The following GRIK2 variants were observed in gnomAD, a reference collection of about 807,000 sequenced individuals.
The protein encoded by GRIK2 is glutamate ionotropic receptor kainate type subunit 2.
In GRIK2, 32 loss-of-function variants were observed where a neutral mutation model predicts 100.3. That is an observed-to-expected ratio of 0.32 (90% CI 0.24 to 0.43). The LOEUF (loss-of-function observed/expected upper bound fraction) is 0.43. Among genes scored for constraint, GRIK2 ranks in the 20% least tolerant of loss-of-function variants. The probability of loss-of-function intolerance (pLI) is 1.00; values close to 1 mark genes in which losing one functional copy is unlikely to be tolerated. For missense variants in GRIK2, 843 were observed against 1,114.9 expected (o/e 0.76, Z 3.47); for synonymous variants, 417 against 389.4 (o/e 1.07, Z -0.83).
intron 7 of GRIK2, among the ~76,000 whole-genome samples, chr6:101,693,436 GAAA>G (rs556487300): frequency 1.0e-3 from 146 of 141,000 alleles, no homozygotes; most frequent in Non-Finnish European, 1.7e-3. Context: ...ATGTAGGGGA[GAAA>G]AAAAAAAAAC....
At chr6:101,696,439 C>T (rs746201901) in intron 7 of GRIK2, among the ~76,000 whole-genome samples, 21 of 151,482 alleles carry the variant, frequency 1.4e-4, no homozygotes, top group Admixed American at 4.0e-4. Context: ...CCTAATTGAT[C>T]CAAAAAAGTA....
intron 10 of GRIK2, among the ~76,000 whole-genome samples, chr6:101,841,738 A>G (rs1783518774): frequency 6.6e-6 from 1 of 152,206 alleles, no homozygotes; most frequent in Admixed American, 6.5e-5. Context: ...ACAATAAGTT[A>G]GACTCTGACG....
chr6:101,957,410 T>A (rs1792006753), intron 14 of GRIK2, among the ~76,000 whole-genome samples: 1 of 151,764 alleles, frequency 6.6e-6, no homozygotes. Context: ...ACACACATAG[T>A]TTTCAAACAT....
chr6:101,511,818 G>A (rs1774334022), intron 2 of GRIK2, among the ~76,000 whole-genome samples: 1 of 151,822 alleles, frequency 6.6e-6, no homozygotes, highest in African/African-American at 2.4e-5. Context: ...TTGGAAAATG[G>A]TTCAGATTAG....
intron 2 of GRIK2, among the ~76,000 whole-genome samples, chr6:101,578,162 A>G (rs944167562): frequency 1.3e-5 from 2 of 152,284 alleles, no homozygotes; most frequent in African/African-American, 4.8e-5. Context: ...CCAGGGATGC[A>G]CAGGTTTATT....
At chr6:102,064,819 C>G (rs1377212015) in intron 16 of GRIK2, among the ~76,000 whole-genome samples, 1 of 151,076 alleles carries the variant, frequency 6.6e-6, no homozygotes, top group African/African-American at 2.4e-5. Context: ...TATATTTGCT[C>G]TAGTACCATA....
chr6:101,797,420 C>A (rs1780377078), intron 7 of GRIK2, among the ~76,000 whole-genome samples: 1 of 151,592 alleles, frequency 6.6e-6, no homozygotes. Context: ...ATTAGTTCTT[C>A]ACTTTTCCCA....
intron 14 of GRIK2, among the ~76,000 whole-genome samples, chr6:101,984,200 A>G (rs1793882850): frequency 6.6e-6 from 1 of 151,712 alleles, no homozygotes. Flanking sequence ...TGCTTATTTA[A>G]TGGGAAAAGA....
At chr6:101,484,173 A>G (rs575883027) in intron 2 of GRIK2, among the ~76,000 whole-genome samples, 1 of 152,214 alleles carries the variant, frequency 6.6e-6, no homozygotes, top group Non-Finnish European at 1.5e-5. Flanking sequence ...AGTAGAGTAG[A>G]TAATAGTCCC....
chr6:102,028,856 C>T (rs557340128), intron 14 of GRIK2, among the ~76,000 whole-genome samples: 2 of 150,976 alleles, frequency 1.3e-5, no homozygotes, highest in East Asian at 2.0e-4. Flanking sequence ...CTTTGGTTCT[C>T]TCAACTGTGT....
At chr6:101,538,718 T>G (rs1775842773) in intron 2 of GRIK2, among the ~76,000 whole-genome samples, 1 of 151,832 alleles carries the variant, frequency 6.6e-6, no homozygotes, top group Middle Eastern at 3.4e-3. Flanking sequence ...TAGTACTGCT[T>G]CTTTGTTTTA....
intron 7 of GRIK2, among the ~76,000 whole-genome samples, chr6:101,750,929 G>A (rs1357262983): frequency 1.3e-5 from 2 of 152,182 alleles, no homozygotes; most frequent in African/African-American, 2.4e-5. Flanking sequence ...AATACTGCCA[G>A]TTAATTTGTA....
intron 7 of GRIK2, among the ~76,000 whole-genome samples, chr6:101,779,567 C>T (rs528679152): frequency 1.3e-5 from 2 of 152,236 alleles, no homozygotes; most frequent in South Asian, 4.1e-4. Flanking sequence ...ATAAAAATAG[C>T]TTCAATCTAG....
intron 10 of GRIK2, among the ~76,000 whole-genome samples, chr6:101,830,005 C>T (rs986969423): frequency 1.4e-4 from 21 of 152,050 alleles, no homozygotes; most frequent in African/African-American, 5.1e-4. Context: ...CCAGAGGCAT[C>T]ACACTACCTG....
intron 2 of GRIK2, among the ~76,000 whole-genome samples, chr6:101,596,605 C>T (rs1228140663): frequency 1.3e-5 from 2 of 151,608 alleles, no homozygotes; most frequent in Non-Finnish European, 1.5e-5. Context: ...CTTGATGATA[C>T]TCTAGATTTA....
At chr6:101,841,798 A>G (rs1327285598) in intron 10 of GRIK2, among the ~76,000 whole-genome samples, 1 of 152,178 alleles carries the variant, frequency 6.6e-6, no homozygotes, top group African/African-American at 2.4e-5. Context: ...TATACGTGCA[A>G]ATCTATGAAC....
intron 15 of GRIK2, among the ~76,000 whole-genome samples, chr6:102,050,327 A>G (rs1771104385): frequency 6.6e-6 from 1 of 151,942 alleles, no homozygotes; most frequent in African/African-American, 2.4e-5. Context: ...ACAGGAGGGA[A>G]GTGGAAGTTA....
At chr6:101,442,928 T>TA (rs1220212169) in intron 2 of GRIK2, among the ~76,000 whole-genome samples, 1 of 152,170 alleles carries the variant, frequency 6.6e-6, no homozygotes, top group African/African-American at 2.4e-5. Context: ...AATCCGCAAA[T>TA]AAATAACATA....
intron 16 of GRIK2, among the ~76,000 whole-genome samples, chr6:102,062,379 G>A (rs1771796381): frequency 6.7e-6 from 1 of 150,262 alleles, no homozygotes; most frequent in African/African-American, 2.4e-5. Context: ...TCATTAATAA[G>A]GCAGGCTAAT....
Sources: gnomAD v4.1 joint callset for allele counts (sites outside exome capture counted in the v4.1 genomes callset) on GRCh38, gnomAD v4.1.1 for gene constraint, MANE v1.5 for transcripts, NCBI Gene and HGNC (gene_info 2026-07-23, HGNC 2026-07-21) for gene names.